The following SORBS2 variants were observed in gnomAD, a reference collection of about 807,000 sequenced individuals.
SORBS2 encodes sorbin and SH3 domain containing 2.
SORBS2 carries 46 observed loss-of-function variants against 97.7 expected under a neutral mutation model. That is an observed-to-expected ratio of 0.47 (90% confidence interval 0.37 to 0.60). The LOEUF is 0.60. SORBS2 is among the 20% of genes least tolerant of loss of function. The pLI is 0.00. For synonymous variants in SORBS2, 476 were observed against 473.4 expected (o/e 1.01, Z -0.07); for missense variants, 1,316 against 1,282.3 (o/e 1.03, Z -0.40).
chr4:185,827,860 ACCATCATCATCATCGTCACCATCATCAGC>A (rs1260014148), intron 1 of SORBS2, among the ~76,000 whole-genome samples: 2 of 147,722 alleles, frequency 1.4e-5, no homozygotes, highest in East Asian at 4.1e-4. Flanking sequence ...CATCAGCGTC[ACCATCATCATCATCGTCACCATCATCAGC>A]GTCACCATCA....
At position 185,733,769 on chromosome 4, in the gene SORBS2, A is replaced by G. The variant is rs115411589; in HGVS notation, c.-198+41458T>C. Among the ~76,000 whole-genome samples the G allele has an allele frequency of 4.7e-3, 712 of 152,260 alleles. 8 individuals are homozygous for G. The highest frequency in any genetic ancestry group is 0.016 in the African/African-American group (668 of 41,544). ...AGGCAGAGTGAAGAATTCAAAAACA[A>G]TCACTCTGGGAGAAAAAAGCGAGTT... On this transcript the variant is annotated intron_variant, in intron 2 of 20. Transcript: ENST00000284776.
chr4:185,649,509 G>A (rs751304189), exon 3 of SORBS2: 9 of 1,601,984 alleles, frequency 5.6e-6, no homozygotes, highest in African/African-American at 2.7e-5. Context: ...CGGCGGGACT[G>A]GAGGTGGAAC....
At position 185,731,884 on chromosome 4, in the gene SORBS2, A is replaced by C. The variant is rs1337791640; in HGVS notation, c.-198+43343T>G. On this transcript the variant is annotated intron_variant, in intron 2 of 20. Coordinates refer to the SORBS2 transcript ENST00000284776. The stretch of plus-strand genomic sequence containing the variant: ...TCTCTCTCTATATATATATATATAT[A>C]TATATATATATATATATATATATAT... 7.8e-3 allele frequency among the ~76,000 whole-genome samples: 578 copies of C among 74,156 alleles called. 6 individuals are homozygous for C. The highest frequency in any genetic ancestry group is 0.018 in the East Asian group (47 of 2,614). 48.6% of individuals were successfully genotyped at this position (74,156 alleles called of 152,430 possible).
intron 4 of SORBS2, among the ~76,000 whole-genome samples, chr4:185,669,542 A>AAGGAGTGC (rs1272110440): frequency 6.6e-6 from 1 of 152,128 alleles, no homozygotes; most frequent in African/African-American, 2.4e-5. Context: ...GGATGTGAAG[A>AAGGAGTGC]AGGAGTGCAT....
chr4:185,801,533 T>C (rs2099130343), intron 1 of SORBS2, among the ~76,000 whole-genome samples: 1 of 152,234 alleles, frequency 6.6e-6, no homozygotes, highest in Non-Finnish European at 1.5e-5. Context: ...AGGTGGTGTC[T>C]CACTGTGGTT....
At chr4:185,627,186 A>C (rs1289084385) in intron 5 of SORBS2, among the ~76,000 whole-genome samples, 167 bp from the exon 18 acceptor site, 1 of 152,172 alleles carries the variant, frequency 6.6e-6, no homozygotes, top group African/African-American at 2.4e-5. Flanking sequence ...ATTTCTCTAG[A>C]AGGATCTTTT....
intron 1 of SORBS2, among the ~76,000 whole-genome samples, chr4:185,915,285 A>T (rs188799765): frequency 7.3e-4 from 111 of 152,310 alleles, no homozygotes; most frequent in African/African-American, 2.6e-3. Flanking sequence ...GTTTTATCTC[A>T]TAGAAGCCTC....
rs1166071679 is a variant in SORBS2, at chr4:185,684,579, T to C, written c.-197-5757A>G. ...AGATAACAAAAACGTGAATAGTTAT[T>C]AACACTCGCAGTTACTCAACCTATT... On this transcript the variant is annotated intron_variant, in intron 2 of 20. Transcript: ENST00000284776. This position sits in a 1 kb window ranked among gnomAD's most constrained non-coding sequence, Gnocchi z 4.2. Among the ~76,000 whole-genome samples the C allele has an allele frequency of 1.3e-5, 2 of 152,226 alleles. No individual in the cohort carries two copies. Among genetic ancestry groups the C allele is most frequent in the African/African-American group, 4.8e-5 (2 of 41,466 alleles).
chr4:185,917,577 G>T (rs1283074286), intron 1 of SORBS2, among the ~76,000 whole-genome samples: 1 of 152,194 alleles, frequency 6.6e-6, no homozygotes, highest in Non-Finnish European at 1.5e-5. Flanking sequence ...AGTCATGTGA[G>T]CCACTCTAGT....
At chr4:185,731,301 G>A (rs1019213076) in intron 2 of SORBS2, among the ~76,000 whole-genome samples, 6 of 152,016 alleles carry the variant, frequency 3.9e-5, no homozygotes, top group African/African-American at 7.3e-5. Flanking sequence ...AATACCTCAC[G>A]CATCATTTTC....
At chr4:185,632,061 A>G (rs2096917340) in intron 4 of SORBS2, among the ~76,000 whole-genome samples, 1 of 152,228 alleles carries the variant, frequency 6.6e-6, no homozygotes, top group African/African-American at 2.4e-5. Flanking sequence ...TACTTAGTGG[A>G]AATCAAATCT....
intron 13 of SORBS2, chr4:185,593,603 GA>G (rs1477528805): frequency 5.1e-6 from 2 of 388,492 alleles, no homozygotes; most frequent in Non-Finnish European, 4.6e-6. Flanking sequence ...CAGCAGAGCA[GA>G]GAGGGAGACA....
chr4:185,876,120 T>G (rs202206136), intron 1 of SORBS2, among the ~76,000 whole-genome samples: 24 of 100,528 alleles, frequency 2.4e-4, no homozygotes, highest in Non-Finnish European at 5.0e-4. Flanking sequence ...ATTTTTTTGT[T>G]TTTTTTTGAG....
chr4:185,707,917 A>C (rs1316591136), intron 2 of SORBS2, among the ~76,000 whole-genome samples: 1 of 152,186 alleles, frequency 6.6e-6, no homozygotes, highest in Non-Finnish European at 1.5e-5. Context: ...GGGAGCTACA[A>C]TTCAAGATGA....
chr4:185,804,615 T>C (rs192761450), intron 1 of SORBS2, among the ~76,000 whole-genome samples: 2 of 152,208 alleles, frequency 1.3e-5, no homozygotes, highest in African/African-American at 2.4e-5. Flanking sequence ...ATTATACTTA[T>C]AGATTTTGTG....
chr4:185,735,065 A>T (rs2098674406), intron 2 of SORBS2, among the ~76,000 whole-genome samples: 1 of 152,210 alleles, frequency 6.6e-6, no homozygotes, highest in Non-Finnish European at 1.5e-5. Flanking sequence ...CAGACACATT[A>T]TAAGAAATTT....
intron 2 of SORBS2, among the ~76,000 whole-genome samples, chr4:185,752,339 G>C (rs906556599): frequency 6.6e-6 from 1 of 152,080 alleles, no homozygotes; most frequent in Non-Finnish European, 1.5e-5. Flanking sequence ...GCAGTGGCAC[G>C]ATCTTGGCTC....
At chr4:185,831,644 T>A (rs185177517) in intron 1 of SORBS2, among the ~76,000 whole-genome samples, 2 of 152,260 alleles carry the variant, frequency 1.3e-5, no homozygotes, top group East Asian at 3.9e-4. Flanking sequence ...AAGTTTTTAT[T>A]ATGCCGCAGG....
intron 2 of SORBS2, among the ~76,000 whole-genome samples, chr4:185,733,650 CA>C: frequency 6.6e-6 from 1 of 152,154 alleles, no homozygotes; most frequent in East Asian, 1.9e-4. Flanking sequence ...AAGGGAGAAG[CA>C]GCATGAAGGA....
Sources: gnomAD v4.1 joint callset for allele counts (sites outside exome capture counted in the v4.1 genomes callset) on GRCh38, gnomAD v4.1.1 for gene constraint, Gnocchi (gnomAD v3.1) non-coding constraint, MANE v1.5 for transcripts, NCBI Gene and HGNC (gene_info 2026-07-23, HGNC 2026-07-21) for gene names.